Variants in PPP2R5E observed in about 807,000 individuals in gnomAD.
PPP2R5E encodes the protein serine/threonine-protein phosphatase 2A 56 kDa regulatory subunit epsilon isoform.
A neutral mutation model predicts 65.3 loss-of-function variants in PPP2R5E; 4 were observed. That is an observed-to-expected ratio of 0.06 (90% CI 0.03 to 0.14). The LOEUF is 0.14. Ranked by LOEUF, PPP2R5E falls within the 10% of genes least tolerant of loss-of-function variation. PPP2R5E has a pLI of 1.00. For synonymous variants in PPP2R5E, 183 were observed against 187.4 expected, an observed-to-expected ratio of 0.98 and a Z score of 0.19; for missense variants, 274 against 556.1, an observed-to-expected ratio of 0.49 and a Z score of 5.10.
intron 3 of PPP2R5E, among the ~76,000 whole-genome samples, chr14:63,430,361 A>ACATACATG (rs1887578434): frequency 7.5e-6 from 1 of 133,440 alleles, no homozygotes; most frequent in Non-Finnish European, 1.5e-5. Context: ...ATACATACAT[A>ACATACATG]CATACATACA....
intron 2 of PPP2R5E, among the ~76,000 whole-genome samples, chr14:63,516,048 A>G (rs1374352685): frequency 6.6e-6 from 1 of 150,974 alleles, no homozygotes; most frequent in African/African-American, 2.4e-5. Context: ...ATGGGCTTTC[A>G]CCATGTTAGC....
chr14:63,490,929 C>G (rs567733678), intron 2 of PPP2R5E, among the ~76,000 whole-genome samples: 14 of 152,074 alleles, frequency 9.2e-5, no homozygotes, highest in Non-Finnish European at 1.5e-4. Context: ...AAAAAGACAC[C>G]TGCACTCTCA....
chr14:63,436,953 T>C (rs1429946705), intron 3 of PPP2R5E, among the ~76,000 whole-genome samples: 1 of 152,218 alleles, frequency 6.6e-6, no homozygotes, highest in Non-Finnish European at 1.5e-5. Context: ...AAGGTATTTT[T>C]AGTCACAGGA....
chr14:63,467,867 C>T (rs1045165174), intron 2 of PPP2R5E, among the ~76,000 whole-genome samples: 2 of 152,162 alleles, frequency 1.3e-5, no homozygotes, highest in Admixed American at 6.5e-5. Context: ...ACAGCTAAGA[C>T]GATGGGCTAC....
At position 63,453,743 on chromosome 14, in the gene PPP2R5E, A is replaced by T. The variant is rs1888978709; in HGVS notation, c.300T>A (p.Ile100=). ...RSTLNELVDY[I]TISRGCLTEQ... ...CTGTCAAACAGCCTCTGCTTATTGTAATGTAGTCCACCAGTTCATTAAGAG... is the reference window on the plus strand; with the variant it reads ...CTGTCAAACAGCCTCTGCTTATTGTTATGTAGTCCACCAGTTCATTAAGAG... The change falls in exon 3 of 14, where the codon ATT becomes ATA. Residue 100 remains isoleucine, a synonymous_variant. Transcript: ENST00000337537. 6.2e-7 allele frequency: 1 copy of T among 1,613,832 alleles called. No individual in the cohort carries two copies. Among genetic ancestry groups the T allele is most frequent in the Non-Finnish European group, 8.5e-7 (1 of 1,179,942 alleles).
At chr14:63,540,979 G>A (rs2139781435) in intron 1 of PPP2R5E, among the ~76,000 whole-genome samples, 1 of 152,212 alleles carries the variant, frequency 6.6e-6, no homozygotes, top group Admixed American at 6.5e-5. Flanking sequence ...AACTTCCATT[G>A]ATACATTTTC....
At chr14:63,411,319 T>A (rs1351043383) in intron 5 of PPP2R5E, among the ~76,000 whole-genome samples, 1 of 152,210 alleles carries the variant, frequency 6.6e-6, no homozygotes, top group Non-Finnish European at 1.5e-5. Flanking sequence ...GATTACTGAT[T>A]AATGATGAAG....
intron 3 of PPP2R5E, among the ~76,000 whole-genome samples, chr14:63,429,695 T>TG (rs11423212): frequency 0.011 from 1,648 of 152,202 alleles, 45 homozygotes; most frequent in African/African-American, 0.038. Context: ...TTTTGTTTTT[T>TG]TTTTTGAGAC....
intron 4 of PPP2R5E, among the ~76,000 whole-genome samples, chr14:63,417,072 T>C (rs764476497): frequency 4.0e-4 from 61 of 152,356 alleles, no homozygotes; most frequent in Non-Finnish European, 7.4e-4. Flanking sequence ...TTTGTTACAC[T>C]AAAATCCAAT....
At chr14:63,512,159 A>G (rs1325181315) in intron 2 of PPP2R5E, among the ~76,000 whole-genome samples, 1 of 151,800 alleles carries the variant, frequency 6.6e-6, no homozygotes, top group Non-Finnish European at 1.5e-5. Flanking sequence ...GTATCTTTTC[A>G]ATGTCCCACA....
At chr14:63,443,264 T>G (rs2139438998) in intron 3 of PPP2R5E, among the ~76,000 whole-genome samples, 1 of 152,352 alleles carries the variant, frequency 6.6e-6, no homozygotes. Flanking sequence ...TATTTTATCT[T>G]AAAACTAAAT....
intron 2 of PPP2R5E, among the ~76,000 whole-genome samples, chr14:63,520,024 A>T (rs1328265283): frequency 1.3e-5 from 2 of 151,524 alleles, no homozygotes; most frequent in Non-Finnish European, 2.9e-5. Flanking sequence ...TAGCCCATCC[A>T]GTCTCTGATC....
chr14:63,460,013 T>C (rs1215086091), intron 2 of PPP2R5E, among the ~76,000 whole-genome samples: 1 of 152,202 alleles, frequency 6.6e-6, no homozygotes, highest in African/African-American at 2.4e-5. Flanking sequence ...TTGCTGATTA[T>C]TAGCATACAC....
At chr14:63,534,517 G>A (rs564593865) in intron 2 of PPP2R5E, among the ~76,000 whole-genome samples, 115 of 152,134 alleles carry the variant, frequency 7.6e-4, no homozygotes, top group African/African-American at 2.6e-3. Context: ...GCCCCCTGTC[G>A]GCCTCCCCCA....
intron 2 of PPP2R5E, among the ~76,000 whole-genome samples, chr14:63,536,240 G>GA (rs1893664137): frequency 6.6e-6 from 1 of 152,112 alleles, no homozygotes; most frequent in South Asian, 2.1e-4. Flanking sequence ...TTAAAAGTGA[G>GA]AAAAAGGATA....
At chr14:63,386,816 C>T (rs763884303) in intron 11 of PPP2R5E, among the ~76,000 whole-genome samples, 2 of 151,506 alleles carry the variant, frequency 1.3e-5, no homozygotes, top group Non-Finnish European at 2.9e-5. Context: ...CCCAGCTACT[C>T]GGGAGGCTGA....
At chr14:63,468,277 CAATATAAATTGTTGATACATATAG>C (rs1889939715) in intron 2 of PPP2R5E, among the ~76,000 whole-genome samples, 2 of 152,022 alleles carry the variant, frequency 1.3e-5, no homozygotes, top group South Asian at 4.2e-4. Flanking sequence ...CAAAAATGAA[CAATATAAATTGTTGATACATATAG>C]ATCTCCCCTC....
intron 11 of PPP2R5E, among the ~76,000 whole-genome samples, chr14:63,389,141 T>TTA (rs1555355340): frequency 2.0e-5 from 3 of 152,034 alleles, no homozygotes; most frequent in African/African-American, 7.3e-5. Flanking sequence ...ATTTTTTTTT[T>TTA]TTTTTCATCT....
intron 2 of PPP2R5E, among the ~76,000 whole-genome samples, chr14:63,499,848 T>C (rs573164973): frequency 1.3e-5 from 2 of 152,354 alleles, no homozygotes; most frequent in African/African-American, 4.8e-5. Context: ...AGAACTTAAG[T>C]GGCTTGCTCC....
Sources: gnomAD v4.1 joint callset for allele counts (sites outside exome capture counted in the v4.1 genomes callset) on GRCh38, gnomAD v4.1.1 for gene constraint, MANE v1.5 for transcripts, NCBI Gene and HGNC (gene_info 2026-07-23, HGNC 2026-07-21) for gene names.